Variants in TNS2 observed in about 807,000 individuals in gnomAD.
TNS2 encodes the protein tensin 2.
In TNS2, 77 loss-of-function variants were observed where a neutral mutation model predicts 155.7. The observed-to-expected ratio is 0.49, with a 90% CI of 0.41 to 0.60. TNS2 has a LOEUF of 0.60. Ranked by LOEUF, TNS2 falls within the 20% of genes least tolerant of loss-of-function variation. TNS2 has a pLI of 0.00. For missense variants in TNS2, 1,703 were observed against 1,868.8 expected (o/e 0.91, Z 1.64); for synonymous variants, 726 against 763.9 (o/e 0.95, Z 0.82).
At chr12:53,062,927 C>T (rs1944428837) in intron 25 of TNS2, 162 bp from the exon 26 acceptor site, 24 of 1,058,282 alleles carry the variant, frequency 2.3e-5, no homozygotes, top group Middle Eastern at 4.2e-4. Flanking sequence ...CTCTGCCTCG[C>T]TTCTGACTGT....
chr12:53,058,777 G>A lies in TNS2; in HGVS notation c.1355G>A (p.Arg452His), dbSNP rs751070450. 9.3e-6 allele frequency: 15 copies of A among 1,613,814 alleles called. No homozygotes were observed. Among genetic ancestry groups the A allele is most frequent in the African/African-American group, 5.3e-5 (4 of 74,880 alleles). ...VDYNTTEPAV[R>H]WDSYENFNQH... ...TACAACACCACTGAGCCAGCCGTGC[G>A]CTGGGACTCCTATGAGAACTTCAAC... Residue 452 changes from arginine (R) to histidine (H), a missense_variant, in exon 17 of 29, where the codon CGC (arginine) becomes CAC (histidine). By Grantham distance (29) the Arg-to-His change is conservative (BLOSUM62 0). Transcript: ENST00000314250.
chr12:53,055,458 C>A, intron 8 of TNS2, 110 bp from the exon 9 acceptor site: 4 of 1,367,818 alleles, frequency 2.9e-6, no homozygotes, highest in African/African-American at 2.9e-5. Flanking sequence ...GGACAACCAG[C>A]AGACCCCCAG....
rs1377913643 is a variant in TNS2, at chr12:53,063,723, C to T, written c.4092-21C>T. The T allele has an allele frequency of 6.2e-7, 1 of 1,613,770 alleles. No individual in the cohort carries two copies. Among genetic ancestry groups the T allele is most frequent in the Admixed American group, 1.7e-5 (1 of 60,016 alleles). ...TTGTGGAAGGAATGTTAAGCCCCTT[C>T]CCCACCCTTTATCCCCCTAGGATCT... On this transcript the variant is annotated intron_variant, in intron 28 of 28. Coordinates refer to ENST00000314250, the MANE Select transcript of TNS2 (RefSeq NM_170754.4). The surrounding 1 kb of genome is among the most constrained non-coding windows in gnomAD (Gnocchi z 5.6).
chr12:53,057,784 T>G lies in TNS2; in HGVS notation c.970T>G (p.Phe324Val), dbSNP rs1265774356. The change falls in exon 13 of 29, where the codon TTC (phenylalanine) becomes GTC (valine). Residue 324 changes from phenylalanine (F) to valine (V), a missense_variant. Coordinates refer to ENST00000314250, the MANE Select transcript of TNS2 (RefSeq NM_170754.4). ...AFEPGTGFQP[F>V]LKIYQSMQLV... is the part of the protein sequence containing the mutation. The stretch of plus-strand genomic sequence containing the variant: ...CTCTGCCCCTCCAGGCTTCCAGCCC[T>G]TCCTTAAAATCTACCAGTCCATGCA... 1.9e-6 allele frequency: 3 copies of G among 1,613,950 alleles called. No homozygotes were observed. The South Asian group carries it at 3.3e-5, about 18-fold the overall frequency.
chr12:53,054,839 ATTTTTTTTT>A (rs71095973), intron 7 of TNS2, among the ~76,000 whole-genome samples: 9 of 94,252 alleles, frequency 9.5e-5, no homozygotes, highest in East Asian at 3.5e-4. Context: ...CGCCCAGCCA[ATTTTTTTTT>A]TTTTTTTTTT....
chr12:53,059,485 C>T lies in TNS2; in HGVS notation c.1844C>T (p.Thr615Ile), dbSNP rs1206869991. Residue 615 changes from threonine to isoleucine, a missense_variant, in exon 18 of 29, where the codon ACC becomes ATC. Transcript: ENST00000314250. The surrounding 1 kb of genome is among the most constrained non-coding windows in gnomAD (Gnocchi z 4.7). ...GGGGGCTACTACCGGCCAGAGGGAA[C>T]CCTGGAGAGGAGGCGACTGGCCTAC... The part of the protein sequence containing the change: ...PNGGYYRPEG[T>I]LERRRLAYGG... The T allele has an allele frequency of 6.4e-7, 1 of 1,560,716 alleles. No homozygotes were observed. The highest frequency in any genetic ancestry group is 8.6e-7 in the Non-Finnish European group (1 of 1,157,552).
At position 53,063,955 on chromosome 12, in the gene TNS2, G is replaced by A. The variant is rs56297944; in HGVS notation, c.*73G>A. On this transcript the variant is annotated 3_prime_UTR_variant, in exon 29 of 29. Coordinates refer to ENST00000314250, the MANE Select transcript of TNS2 (RefSeq NM_170754.4). The surrounding 1 kb of genome is among the most constrained non-coding windows in gnomAD (Gnocchi z 5.6). ...GCACCCCACAGCCCTCACATCCCCTGGCCTGGACCCAGGAGACCCAGGAGA... is the reference window on the plus strand; with the variant it reads ...GCACCCCACAGCCCTCACATCCCCTAGCCTGGACCCAGGAGACCCAGGAGA... 72,018 of 1,553,836 alleles carry A rather than the reference G, an allele frequency of 0.046. 3,705 individuals are homozygous for A. Among genetic ancestry groups the A allele is most frequent in the African/African-American group, 0.25 (18,242 of 73,470 alleles).
Position 53,063,960 on chromosome 12 carries a change from GGACCCAGGA to G in TNS2, c.*90_*98del. The stretch of plus-strand genomic sequence containing the variant: ...CCACAGCCCTCACATCCCCTGGCCT[GGACCCAGGA>G]GACCCAGGAGAAAGCACCCTCCCTT... On this transcript the variant is annotated 3_prime_UTR_variant, in exon 29 of 29. Coordinates refer to ENST00000314250, the MANE Select transcript of TNS2 (RefSeq NM_170754.4). This position sits in a 1 kb window ranked among gnomAD's most constrained non-coding sequence, Gnocchi z 5.6. 2 of 1,523,666 alleles carry G rather than the reference GGACCCAGGA, an allele frequency of 1.3e-6. No individual in the cohort carries two copies. Among genetic ancestry groups the G allele is most frequent in the Non-Finnish European group, 1.8e-6 (2 of 1,122,202 alleles). 94.4% of individuals were successfully genotyped at this position (1,523,666 alleles called of 1,614,324 possible).
chr12:53,057,362 A>G (rs1944197125), intron 11 of TNS2, among the ~76,000 whole-genome samples: 1 of 152,226 alleles, frequency 6.6e-6, no homozygotes, highest in African/African-American at 2.4e-5. Flanking sequence ...TATAAAGTGA[A>G]GCAGAGCTCT....
At chr12:53,054,214 C>T in intron 6 of TNS2, 56 bp from the exon 7 acceptor site, 1 of 1,608,002 alleles carries the variant, frequency 6.2e-7, no homozygotes, top group Non-Finnish European at 8.5e-7. Context: ...TCCCGTCACA[C>T]TAGCCACCTC....
chr12:53,055,294 C>G (rs1471940696), intron 8 of TNS2, 58 bp downstream of exon 8: 1 of 1,570,338 alleles, frequency 6.4e-7, no homozygotes, highest in African/African-American at 1.4e-5. Flanking sequence ...CCCAGAAGCC[C>G]CCAGCTTCCT....
At chr12:53,052,093 G>A in intron 2 of TNS2, 130 bp downstream of exon 2, 1 of 784,564 alleles carries the variant, frequency 1.3e-6, no homozygotes, top group South Asian at 1.8e-5. Flanking sequence ...TGGCAGCTAA[G>A]AAGCAGCTGC....
Position 53,058,830 on chromosome 12 carries a change from G to T in TNS2, c.1405+3G>T. The T allele has an allele frequency of 1.2e-6, 2 of 1,612,906 alleles. No homozygotes were observed. Among genetic ancestry groups the T allele is most frequent in the South Asian group, 2.2e-5 (2 of 91,066 alleles). On this transcript the variant is annotated splice_donor_region_variant and intron_variant, in intron 17 of 28. Coordinates refer to ENST00000314250, the MANE Select transcript of TNS2 (RefSeq NM_170754.4). The stretch of plus-strand genomic sequence containing the variant: ...GCACCACGAGGACAGTGTGGATGGT[G>T]CGCAGGCAGCCTGCAGGGTGGGAGG...
upstream of TNS2, among the ~76,000 whole-genome samples, chr12:53,048,361 A>T (rs568813203): frequency 2.8e-3 from 429 of 152,258 alleles, 3 homozygotes; most frequent in African/African-American, 0.01. Context: ...GCCCCTATGG[A>T]GGCAGCAGGA....
In TNS2 at chr12:53,062,098, A is replaced by G. The variant is rs372559786; in HGVS notation, c.3575-55A>G. ...TGCTCGGGAAAGAATCCCATTAGGG[A>G]AGAAGCTGGAACCTGGAATCCTAAA... is the stretch of plus-strand genomic sequence containing the variant. On this transcript the variant is annotated intron_variant, in intron 22 of 28. Transcript: ENST00000314250. The G allele has an allele frequency of 3.1e-6, 5 of 1,612,454 alleles. No individual in the cohort carries two copies. The East Asian group carries it at 1.1e-4, about 36-fold the overall frequency.
intron 3 of TNS2, 149 bp downstream of exon 3, chr12:53,052,641 C>T (rs1943979963): frequency 1.8e-6 from 2 of 1,095,658 alleles, no homozygotes; most frequent in African/African-American, 1.6e-5. Context: ...GGGTGCTGTA[C>T]TGGGCCCTTT....
At chr12:53,055,004 G>C (rs146237252) in intron 7 of TNS2, among the ~76,000 whole-genome samples, 182 bp from the exon 8 acceptor site, 2,028 of 152,030 alleles carry the variant, frequency 0.013, 46 homozygotes, top group African/African-American at 0.046. Flanking sequence ...GGCTGGTCTC[G>C]AACTCCTGAC....
intron 6 of TNS2, 123 bp from the exon 7 acceptor site, chr12:53,054,147 C>A: frequency 6.4e-7 from 1 of 1,562,074 alleles, no homozygotes; most frequent in Non-Finnish European, 8.8e-7. Context: ...TCCCTCCAGA[C>A]CGATCCACCC....
Position 53,055,641 on chromosome 12 carries a change from A to T in TNS2, c.647A>T (p.Glu216Val). 6.2e-7 allele frequency: 1 copy of T among 1,614,124 alleles called. No homozygotes were observed. Among genetic ancestry groups the T allele is most frequent in the African/African-American group, 1.3e-5 (1 of 75,048 alleles). The change falls in exon 9 of 29, where the codon GAG becomes GTG. Residue 216 changes from glutamate to valine, a missense_variant. Physicochemically the swap from Glu to Val is moderately radical, Grantham distance 121. Coordinates refer to ENST00000314250, the MANE Select transcript of TNS2 (RefSeq NM_170754.4). ...DKLCSICKAM[E>V]TWLSADPQHV... ...CTGTGCTCCATCTGCAAAGCCATGG[A>T]GACATGGCTCAGTGCTGACCCACAG...
Sources: gnomAD v4.1 joint callset for allele counts (sites outside exome capture counted in the v4.1 genomes callset) on GRCh38, gnomAD v4.1.1 for gene constraint, Gnocchi (gnomAD v3.1) non-coding constraint, MANE v1.5 for transcripts, NCBI Gene and HGNC (gene_info 2026-07-23, HGNC 2026-07-21) for gene names.